RORA: variants seen among roughly 807,000 people sequenced by gnomAD.
RORA encodes the protein RAR related orphan receptor A.
A neutral mutation model predicts 69.5 loss-of-function variants in RORA; 7 were observed. The observed-to-expected ratio is 0.10, with a 90% CI of 0.06 to 0.19. The LOEUF (loss-of-function observed/expected upper bound fraction) is 0.19. Ranked by LOEUF, RORA falls within the 10% of genes least tolerant of loss-of-function variation. RORA has a pLI of 1.00. For missense variants in RORA, 457 were observed against 663.0 expected (o/e 0.69, Z 3.41); for synonymous variants, 261 against 240.8 (o/e 1.08, Z -0.78).
At chr15:60,740,525 G>A (rs527634498) in intron 1 of RORA, among the ~76,000 whole-genome samples, 1 of 152,276 alleles carries the variant, frequency 6.6e-6, no homozygotes, top group East Asian at 1.9e-4. Context: ...TCCATGAAAT[G>A]GTTCTCTCTG....
At chr15:61,071,682 GAGA>G (rs2078367400) in intron 1 of RORA, among the ~76,000 whole-genome samples, 1 of 94,970 alleles carries the variant, frequency 1.1e-5, no homozygotes, top group Non-Finnish European at 2.2e-5. Flanking sequence ...GGAGAGGGGG[GAGA>G]GGGGAGGGGA....
intron 1 of RORA, among the ~76,000 whole-genome samples, chr15:60,945,111 T>C (rs527320473): frequency 1.3e-5 from 2 of 152,154 alleles, no homozygotes; most frequent in African/African-American, 4.8e-5. Flanking sequence ...ACCCAGCAAA[T>C]CCAGCAATAT....
chr15:60,602,214 C>T (rs1314440898), intron 2 of RORA, among the ~76,000 whole-genome samples: 1 of 152,132 alleles, frequency 6.6e-6, no homozygotes, highest in Admixed American at 6.5e-5. Context: ...AGGGAAATAT[C>T]AGAGTTCAAG....
At chr15:61,202,707 CT>C (rs2079906527) in intron 1 of RORA, among the ~76,000 whole-genome samples, 1 of 152,108 alleles carries the variant, frequency 6.6e-6, no homozygotes, top group African/African-American at 2.4e-5. Context: ...TAGAAAAACT[CT>C]ACCCCTTGCC....
intron 1 of RORA, among the ~76,000 whole-genome samples, chr15:61,174,328 C>G (rs1395055215): frequency 6.6e-6 from 1 of 152,204 alleles, no homozygotes; most frequent in Non-Finnish European, 1.5e-5. Flanking sequence ...CCAGTAAGCT[C>G]TTTAAGAGTT....
rs143744571 is a variant in RORA, at chr15:60,718,115, G to A, written c.167-39429C>T. The stretch of plus-strand genomic sequence containing the variant: ...CTAAGATTTGGTGTTCTACGGATAG[G>A]ACCTTCGTAACAGCAAAGTTATGTC... On this transcript the variant is annotated intron_variant, in intron 1 of 10. Transcript: ENST00000335670. 3.2e-3 allele frequency among the ~76,000 whole-genome samples: 486 copies of A among 152,246 alleles called. 6 individuals carry two copies. Among genetic ancestry groups the A allele is most frequent in the African/African-American group, 0.011 (462 of 41,556 alleles).
intron 1 of RORA, among the ~76,000 whole-genome samples, chr15:60,745,064 A>G (rs2071628470): frequency 6.6e-6 from 1 of 152,232 alleles, no homozygotes; most frequent in African/African-American, 2.4e-5. Flanking sequence ...TCTTTCTGAA[A>G]GGCCATTTTG....
rs1265804078 is a variant in RORA, at chr15:60,516,053, A to T, written c.283-1296T>A. Among the ~76,000 whole-genome samples the T allele has an allele frequency of 7.3e-3, 143 of 19,456 alleles. 9 individuals are homozygous for T. The highest frequency in any genetic ancestry group is 0.019 in the South Asian group (7 of 366). 12.8% of individuals were successfully genotyped at this position (19,456 alleles called of 152,430 possible). ...TTTATATATATTTATATATTTATATATATTTATATATATTTATATATATTT... is the reference window on the plus strand; with the variant it reads ...TTTATATATATTTATATATTTATATTTATTTATATATATTTATATATATTT... On this transcript the variant is annotated intron_variant, in intron 3 of 10. Coordinates refer to ENST00000335670, the MANE Select transcript of RORA (RefSeq NM_134261.3).
At chr15:60,709,405 G>A (rs992141386) in intron 1 of RORA, among the ~76,000 whole-genome samples, 3 of 152,098 alleles carry the variant, frequency 2.0e-5, no homozygotes, top group South Asian at 2.1e-4. Context: ...ATTAACACTC[G>A]AGCTCCTTTG....
intron 1 of RORA, among the ~76,000 whole-genome samples, chr15:61,022,169 C>T (rs1055284452): frequency 1.3e-5 from 2 of 152,158 alleles, no homozygotes; most frequent in African/African-American, 4.8e-5. Context: ...TTTTACTTCA[C>T]GACTATGTTG....
At chr15:60,625,026 A>C (rs2069536967) in intron 2 of RORA, among the ~76,000 whole-genome samples, 1 of 152,228 alleles carries the variant, frequency 6.6e-6, no homozygotes, top group African/African-American at 2.4e-5. Flanking sequence ...ACACTTGCCC[A>C]AGAACTACTT....
chr15:60,500,033 C>A, intron 9 of RORA, 29 bp from the exon 10 acceptor site: 1 of 1,371,846 alleles, frequency 7.3e-7, no homozygotes, highest in South Asian at 1.2e-5. Context: ...TATTCTTTAG[C>A]ATTCCTCTGA....
At chr15:60,812,272 G>A (rs2072754944) in intron 1 of RORA, among the ~76,000 whole-genome samples, 1 of 152,200 alleles carries the variant, frequency 6.6e-6, no homozygotes, top group Non-Finnish European at 1.5e-5. Context: ...GGGAGGATGA[G>A]GTGGGAGGAA....
At chr15:60,843,025 A>G (rs1202573084) in intron 1 of RORA, among the ~76,000 whole-genome samples, 2 of 151,564 alleles carry the variant, frequency 1.3e-5, no homozygotes, top group Non-Finnish European at 2.9e-5. Flanking sequence ...CACCCACCAC[A>G]CCCCTCGTGA....
At chr15:60,978,853 A>G (rs1258893769) in intron 1 of RORA, among the ~76,000 whole-genome samples, 1 of 151,162 alleles carries the variant, frequency 6.6e-6, no homozygotes, top group Non-Finnish European at 1.5e-5. Context: ...TCTCAATTCT[A>G]TTCCATCGGT....
At chr15:60,943,366 T>C (rs938110174) in intron 1 of RORA, among the ~76,000 whole-genome samples, 10 of 152,202 alleles carry the variant, frequency 6.6e-5, no homozygotes, top group African/African-American at 2.4e-4. Flanking sequence ...TTCTATTCAA[T>C]CTTGTTCTGG....
At chr15:60,636,524 C>G (rs1032630342) in intron 2 of RORA, among the ~76,000 whole-genome samples, 5 of 152,144 alleles carry the variant, frequency 3.3e-5, no homozygotes, top group Non-Finnish European at 7.3e-5. Context: ...CCACTCTTGG[C>G]TTAGAAGTAT....
intron 2 of RORA, chr15:60,601,042 T>C (rs2068797261): frequency 6.6e-6 from 1 of 152,130 alleles, no homozygotes; most frequent in African/African-American, 2.4e-5. Context: ...GGTGGAACCA[T>C]AAGAAAAAAA....
Position 61,147,766 on chromosome 15 carries a change from C to CGTGTGTGTGTGTGTGTGTGTGTGT in RORA, c.166+81263_166+81286dup, listed in dbSNP as rs10523030. Among the ~76,000 whole-genome samples, 3 of 147,588 alleles carry CGTGTGTGTGTGTGTGTGTGTGTGT rather than the reference C, an allele frequency of 2.0e-5. No homozygotes were observed. Among genetic ancestry groups the CGTGTGTGTGTGTGTGTGTGTGTGT allele is most frequent in the East Asian group, 2.1e-4 (1 of 4,862 alleles). On this transcript the variant is annotated intron_variant, in intron 1 of 10. Coordinates refer to ENST00000335670, the MANE Select transcript of RORA (RefSeq NM_134261.3). The surrounding 1 kb of genome is among the most constrained non-coding windows in gnomAD (Gnocchi z 4.1). ...TGGTCAGTAGGCACGTGCGCACACG[C>CGTGTGTGTGTGTGTGTGTGTGTGT]GTGTGTGTGTGTGTGTGTGTGTGTG...
Sources: gnomAD v4.1 joint callset for allele counts (sites outside exome capture counted in the v4.1 genomes callset) on GRCh38, gnomAD v4.1.1 for gene constraint, Gnocchi (gnomAD v3.1) non-coding constraint, MANE v1.5 for transcripts, NCBI Gene and HGNC (gene_info 2026-07-23, HGNC 2026-07-21) for gene names.